The following ICA1L variants were observed in gnomAD, a reference collection of about 807,000 sequenced individuals.
ICA1L encodes islet cell autoantigen 1 like, also known as islet cell autoantigen 1-like protein.
Under a neutral mutation model 61.3 loss-of-function variants are expected in ICA1L, and 50 were observed. The ratio of observed to expected loss-of-function variants is 0.82; its 90% CI spans 0.65 to 1.03. The LOEUF (loss-of-function observed/expected upper bound fraction) is 1.03, where lower values mean the gene tolerates loss of function less well. ICA1L is among the 50% of genes least tolerant of loss of function. The pLI is 0.00. For missense variants in ICA1L, 508 were observed against 556.7 expected (o/e 0.91, Z 0.88); for synonymous variants, 161 against 191.3 (o/e 0.84, Z 1.31).
intron 1 of ICA1L, 122 bp from the exon 2 acceptor site, chr2:202,829,138 T>G (rs200248921): frequency 1.5e-6 from 1 of 659,060 alleles, no homozygotes; most frequent in Non-Finnish European, 2.4e-6. Flanking sequence ...CACGCGGTCA[T>G]GAGATCGAGA....
chr2:202,846,047 A>G (rs1044284026), intron 1 of ICA1L, among the ~76,000 whole-genome samples: 4 of 152,062 alleles, frequency 2.6e-5, no homozygotes, highest in African/African-American at 9.7e-5. Context: ...GGAAGGGGGG[A>G]ACTGGTAGGA....
intron 1 of ICA1L, among the ~76,000 whole-genome samples, chr2:202,860,758 AAAG>A (rs1459384858): frequency 6.6e-6 from 1 of 152,196 alleles, no homozygotes; most frequent in Non-Finnish European, 1.5e-5. Flanking sequence ...TCTCAAAAAA[AAAG>A]AAAAGAAAGA....
chr2:202,793,688 A>T (rs1692827774), intron 10 of ICA1L, among the ~76,000 whole-genome samples: 1 of 150,770 alleles, frequency 6.6e-6, no homozygotes, highest in South Asian at 2.1e-4. Flanking sequence ...AAAAAAAAAA[A>T]GGAAGAATGC....
chr2:202,786,922 T>C (rs951615994), intron 11 of ICA1L: 4 of 347,552 alleles, frequency 1.2e-5, no homozygotes, highest in African/African-American at 6.5e-5. Context: ...AAACCATTTA[T>C]GCTATGATTA....
chr2:202,865,142 G>A (rs947079738), intron 1 of ICA1L, among the ~76,000 whole-genome samples: 1 of 151,260 alleles, frequency 6.6e-6, no homozygotes, highest in African/African-American at 2.4e-5. Flanking sequence ...CAGCCTGGGC[G>A]ACAGGGTGAG....
chr2:202,799,824 C>G (rs1267178057), intron 9 of ICA1L, among the ~76,000 whole-genome samples: 5 of 149,284 alleles, frequency 3.3e-5, no homozygotes, highest in Non-Finnish European at 7.4e-5. Flanking sequence ...GTTCATTGTT[C>G]TACATGGGGC....
Position 202,789,002 on chromosome 2 carries a change from A to T in ICA1L, c.1071T>A (p.Gly357=), listed in dbSNP as rs1350634398. The T allele has an allele frequency of 6.2e-7, 1 of 1,613,836 alleles. No individual in the cohort carries two copies. The highest frequency in any genetic ancestry group is 8.5e-7 in the Non-Finnish European group (1 of 1,179,918). ...FSFLNNLLSS[G]SSSTSEFTQE... is the part of the protein sequence containing the mutation. Reference sequence around the variant, plus strand: ...GGGTAAATTCACTAGTACTTGAAGAACCAGAACTTAGGAGGTTGTTCAGAA... The same window carrying T: ...GGGTAAATTCACTAGTACTTGAAGATCCAGAACTTAGGAGGTTGTTCAGAA... Residue 357 remains glycine (G), a synonymous_variant, in exon 11 of 13, where the codon GGT becomes GGA. Coordinates refer to ENST00000358299, the MANE Select transcript of ICA1L (RefSeq NM_001288622.3).
chr2:202,848,576 A>G (rs907798777), intron 1 of ICA1L, among the ~76,000 whole-genome samples: 9 of 152,238 alleles, frequency 5.9e-5, no homozygotes, highest in African/African-American at 1.9e-4. Context: ...CAGCCCACAA[A>G]GCAAAAAATT....
intron 1 of ICA1L, chr2:202,841,178 A>C: frequency 1.5e-6 from 1 of 672,108 alleles, no homozygotes; most frequent in East Asian, 2.9e-5. Context: ...TATAAGCTTC[A>C]TCCACATACT....
At chr2:202,841,302 T>G in intron 1 of ICA1L, 5 of 752,178 alleles carry the variant, frequency 6.6e-6, no homozygotes, top group Non-Finnish European at 1.2e-5. Context: ...TGCCTCCAGC[T>G]TCAGCCTTTC....
chr2:202,815,948 C>T lies in ICA1L; in HGVS notation c.746G>A (p.Cys249Tyr). The T allele has an allele frequency of 6.2e-7, 1 of 1,603,038 alleles. No homozygotes were observed. The highest frequency in any genetic ancestry group is 1.1e-5 in the South Asian group (1 of 89,176). ...ARMMSQIHEACIGFHPYDFVA... is the reference protein window; with the variant it reads ...ARMMSQIHEAYIGFHPYDFVA... ...AAAATCATACGGATGAAAGCCAATACAGGCTTCATGAATTTGGGACATCAT... is the reference window on the plus strand; with the variant it reads ...AAAATCATACGGATGAAAGCCAATATAGGCTTCATGAATTTGGGACATCAT... The change falls in exon 7 of 13, where the codon TGT becomes TAT. Residue 249 changes from cysteine to tyrosine, a missense_variant. Cys to Tyr is a radical substitution (Grantham distance 194). Coordinates refer to ENST00000358299, the MANE Select transcript of ICA1L (RefSeq NM_001288622.3).
At chr2:202,786,662 A>G in intron 11 of ICA1L, 1 of 436,028 alleles carries the variant, frequency 2.3e-6, no homozygotes, top group Admixed American at 2.6e-5. Context: ...TGAAACCTAT[A>G]AATATGCTCA....
intron 1 of ICA1L, among the ~76,000 whole-genome samples, chr2:202,867,199 A>C (rs1363096050): frequency 1.3e-5 from 2 of 152,230 alleles, no homozygotes; most frequent in African/African-American, 4.8e-5. Flanking sequence ...CTGAGTAATA[A>C]GAAAATCTCA....
At position 202,861,401 on chromosome 2, in the gene ICA1L, CAAAAAAA is replaced by C. The variant is rs61240847; in HGVS notation, c.-8+10211_-8+10217del. On this transcript the variant is annotated intron_variant, in intron 1 of 12. Transcript: ENST00000358299. ...GCCTGGGTACACGGCGAGACTATCT[CAAAAAAA>C]AAAAAAAAAAAAAAAAAAAAGACAT... 3.2e-4 allele frequency among the ~76,000 whole-genome samples: 7 copies of C among 21,734 alleles called. No individual in the cohort carries two copies. The Admixed American group carries it at 6.2e-3, about 19-fold the overall frequency. The allele number at this position is 21,734 out of a possible 152,430, so 14.3% of individuals were successfully genotyped here. A position where few individuals can be genotyped will look rare whatever the true frequency, so the allele number is the denominator to read the frequency against.
rs1002152056 is a variant in ICA1L at position 202,867,331 on chromosome 2, C to T, written c.-8+4288G>A. ...TTAGATGATTTTATCATTGTGAGAA[C>T]ATCATAGAATGTACTTATACAAACC... is the stretch of plus-strand genomic sequence containing the variant. On this transcript the variant is annotated intron_variant, in intron 1 of 12. Coordinates refer to ENST00000358299, the MANE Select transcript of ICA1L (RefSeq NM_001288622.3). 2.6e-5 allele frequency among the ~76,000 whole-genome samples: 4 copies of T among 152,114 alleles called. 1 individual carries two copies. Among genetic ancestry groups the T allele is most frequent in the Non-Finnish European group, 5.9e-5 (4 of 68,010 alleles).
intron 9 of ICA1L, among the ~76,000 whole-genome samples, chr2:202,808,217 C>A (rs1435666447): frequency 6.6e-6 from 1 of 152,114 alleles, no homozygotes; most frequent in Non-Finnish European, 1.5e-5. Context: ...CATTTCTGGA[C>A]CTGCCCTGGG....
In ICA1L at chr2:202,849,965, G is replaced by A. The variant is rs920918611; in HGVS notation, c.-7-20949C>T. On this transcript the variant is annotated intron_variant, in intron 1 of 12. Transcript: ENST00000358299. This position sits in a 1 kb window ranked among gnomAD's most constrained non-coding sequence, Gnocchi z 4.5. ...TCAGAGGAAGGAACAGGCAGCAATC[G>A]TTGCTGTTCTGTAGCCTCTGCTGGT... Among the ~76,000 whole-genome samples the A allele has an allele frequency of 3.3e-5, 5 of 152,174 alleles. No homozygotes were observed. The highest frequency in any genetic ancestry group is 2.6e-4 in the Admixed American group (4 of 15,280).
Position 202,788,848 on chromosome 2 carries a change from C to T in ICA1L, c.1225G>A (p.Val409Met). The T allele has an allele frequency of 1.2e-6, 2 of 1,614,040 alleles. No individual in the cohort carries two copies. The highest frequency in any genetic ancestry group is 8.5e-7 in the Non-Finnish European group (1 of 1,180,006). The stretch of plus-strand genomic sequence containing the variant: ...CACTTACTGTTGAACGCTCCAGCCA[C>T]ATGAAAGCCAAGGTCAAAGAGTTGT... ...PSQLFDLGFH[V>M]AGAFNNWVSQ... The change falls in exon 11 of 13, where the codon GTG (valine) becomes ATG (methionine). Residue 409 changes from valine (V) to methionine (M), a missense_variant. By Grantham distance (21) the Val-to-Met change is conservative. Coordinates refer to ENST00000358299, the MANE Select transcript of ICA1L (RefSeq NM_001288622.3).
chr2:202,816,128 A>G (rs536154217), intron 6 of ICA1L, 119 bp from the exon 7 acceptor site: 5 of 585,214 alleles, frequency 8.5e-6, no homozygotes, highest in Non-Finnish European at 1.4e-5. Context: ...AGCAGGAACT[A>G]AATTCAATTT....
Sources: gnomAD v4.1 joint callset for allele counts (sites outside exome capture counted in the v4.1 genomes callset) on GRCh38, gnomAD v4.1.1 for gene constraint, Gnocchi (gnomAD v3.1) non-coding constraint, MANE v1.5 for transcripts, NCBI Gene and HGNC (gene_info 2026-07-23, HGNC 2026-07-21) for gene names.